The following NTNG2 variants were observed in gnomAD, a reference collection of about 807,000 sequenced individuals.
The protein encoded by NTNG2 is netrin G2.
A neutral mutation model predicts 47.6 loss-of-function variants in NTNG2; 15 were observed. The observed-to-expected ratio is 0.32, with a 90% CI of 0.21 to 0.49. NTNG2 has a LOEUF of 0.49. Ranked by LOEUF, NTNG2 falls within the 20% of genes least tolerant of loss-of-function variation. The pLI is 0.99. For missense variants in NTNG2, 578 were observed against 764.6 expected (o/e 0.76, Z 2.88); for synonymous variants, 307 against 324.6 (o/e 0.95, Z 0.58).
intron 1 of NTNG2, among the ~76,000 whole-genome samples, chr9:132,165,251 G>A (rs931242415): frequency 7.2e-5 from 11 of 152,180 alleles, no homozygotes; most frequent in Admixed American, 7.2e-4. Flanking sequence ...TACTGCAGTC[G>A]TGTTATTTCC....
At chr9:132,165,691 C>A (rs926482580) in intron 1 of NTNG2, among the ~76,000 whole-genome samples, 1 of 152,176 alleles carries the variant, frequency 6.6e-6, no homozygotes, top group Non-Finnish European at 1.5e-5. Flanking sequence ...ACTTGACAGT[C>A]ATGGTATTTT....
At chr9:132,176,184 CA>C (rs35497672) in intron 2 of NTNG2, among the ~76,000 whole-genome samples, 129 of 144,598 alleles carry the variant, frequency 8.9e-4, no homozygotes, top group Admixed American at 3.2e-3. Flanking sequence ...CCCCATCTCT[CA>C]AAAAAAAAAA....
At position 132,215,077 on chromosome 9, in the gene NTNG2, T is replaced by TC. The variant is rs1254037039; in HGVS notation, c.858-11772_858-11771insC. Among the ~76,000 whole-genome samples the TC allele has an allele frequency of 3.8e-4, 53 of 139,704 alleles. No homozygotes were observed. Among genetic ancestry groups the TC allele is most frequent in the Middle Eastern group, 3.6e-3 (1 of 280 alleles). The allele number at this position is 139,704 out of a possible 152,430, so 91.7% of individuals were successfully genotyped here. On this transcript the variant is annotated intron_variant, in intron 3 of 7. Coordinates refer to ENST00000393229, the MANE Select transcript of NTNG2 (RefSeq NM_032536.4). The surrounding 1 kb of genome is among the most constrained non-coding windows in gnomAD (Gnocchi z 4.2). Reference sequence around the variant, plus strand: ...TTTTTTTTAATTTTTTTGTAGAGATTGGGGGGGGGGGTCTCACTTTCTTGC... The same window carrying TC: ...TTTTTTTTAATTTTTTTGTAGAGATTCGGGGGGGGGGGTCTCACTTTCTTGC...
chr9:132,172,341 G>T (rs1835990892), intron 2 of NTNG2, among the ~76,000 whole-genome samples: 1 of 152,214 alleles, frequency 6.6e-6, no homozygotes, highest in Admixed American at 6.5e-5. Context: ...TCAGTGAAGA[G>T]TTCTGGCCCT....
intron 5 of NTNG2, among the ~76,000 whole-genome samples, chr9:132,234,274 C>T (rs1024403328): frequency 2.0e-5 from 3 of 152,130 alleles, no homozygotes; most frequent in Admixed American, 1.3e-4. Flanking sequence ...GTGATCCACC[C>T]GCCTCAGCCT....
At chr9:132,193,921 G>A (rs991480737) in intron 2 of NTNG2, among the ~76,000 whole-genome samples, 3 of 152,068 alleles carry the variant, frequency 2.0e-5, no homozygotes, top group Non-Finnish European at 1.5e-5. Flanking sequence ...GCCTTCAAAC[G>A]GCCTTTTCTC....
At chr9:132,230,352 C>T (rs1407436810) in intron 4 of NTNG2, among the ~76,000 whole-genome samples, 2 of 152,246 alleles carry the variant, frequency 1.3e-5, no homozygotes, top group South Asian at 2.1e-4. Flanking sequence ...ATAGTGGTTC[C>T]TCCCTCCCAG....
chr9:132,177,557 T>C (rs1392954259), intron 2 of NTNG2, among the ~76,000 whole-genome samples: 4 of 152,268 alleles, frequency 2.6e-5, no homozygotes, highest in African/African-American at 9.6e-5. Context: ...GAAGAGCCTA[T>C]TCTTCCCCCA....
chr9:132,227,172 C>T (rs1370223562), intron 4 of NTNG2, 151 bp downstream of exon 4: 12 of 884,896 alleles, frequency 1.4e-5, no homozygotes, highest in Non-Finnish European at 1.8e-5. Context: ...CAGAAACATA[C>T]GAGCATGCAT....
intron 3 of NTNG2, among the ~76,000 whole-genome samples, chr9:132,216,219 T>C (rs12004212): frequency 0.093 from 14,149 of 152,140 alleles, 1,732 homozygotes; most frequent in African/African-American, 0.28. Flanking sequence ...CCATGCATTA[T>C]CCCCTTCCTC....
At chr9:132,230,483 T>C in intron 4 of NTNG2, 89 bp from the exon 5 acceptor site, 1 of 1,256,304 alleles carries the variant, frequency 8.0e-7, no homozygotes, top group Non-Finnish European at 1.1e-6. Flanking sequence ...CTCCAGGTGC[T>C]CCCCTGCCCT....
chr9:132,244,122 C>T lies in NTNG2; in HGVS notation c.*2011C>T, dbSNP rs959625061. On this transcript the variant is annotated 3_prime_UTR_variant, in exon 8 of 8. Transcript: ENST00000393229. ...CTTCCAGAAAGTTCTTAAAAGTCAT[C>T]CCTTCCTCCACGCCCCACAAAGCCT... The T allele has an allele frequency of 3.9e-5, 6 of 152,382 alleles. No homozygotes were observed. In the East Asian group the frequency reaches 7.7e-4, roughly 20 times the overall value. 9.4% of individuals were successfully genotyped at this position (152,382 alleles called of 1,614,324 possible). A position where few individuals can be genotyped will look rare whatever the true frequency, so the allele number is the denominator to read the frequency against.
At chr9:132,169,591 G>A (rs943056489) in intron 2 of NTNG2, among the ~76,000 whole-genome samples, 3 of 152,198 alleles carry the variant, frequency 2.0e-5, no homozygotes, top group African/African-American at 7.2e-5. Flanking sequence ...ACTGCCTGTA[G>A]CCAAGGCCCA....
rs1177879465 is a variant in NTNG2, at chr9:132,226,986, C to T, written c.995C>T (p.Ser332Phe). The T allele has an allele frequency of 4.3e-6, 7 of 1,609,714 alleles. No homozygotes were observed. Among genetic ancestry groups the T allele is most frequent in the Non-Finnish European group, 5.9e-6 (7 of 1,179,436 alleles). ...NFRTRSWRAG[S>F]YLPLPHGSPN... is the part of the protein sequence containing the mutation. ...CGCACCCGGTCCTGGCGGGCCGGCT[C>T]CTACCTGCCGCTGCCCCATGGCTCT... Residue 332 changes from serine (S) to phenylalanine (F), a missense_variant, in exon 4 of 8, where the codon TCC becomes TTC. Coordinates refer to ENST00000393229, the MANE Select transcript of NTNG2 (RefSeq NM_032536.4). The surrounding 1 kb of genome is among the most constrained non-coding windows in gnomAD (Gnocchi z 4.8).
intron 3 of NTNG2, among the ~76,000 whole-genome samples, chr9:132,200,055 G>A (rs893532193): frequency 6.6e-6 from 1 of 152,192 alleles, no homozygotes; most frequent in Admixed American, 6.5e-5. Flanking sequence ...AATGGGGATG[G>A]TAACAAGCAT....
At position 132,170,615 on chromosome 9, in the gene NTNG2, C is replaced by T. The variant is rs565814014; in HGVS notation, c.213+3571C>T. On this transcript the variant is annotated intron_variant, in intron 2 of 7. Transcript: ENST00000393229. The stretch of plus-strand genomic sequence containing the variant: ...GCAAGACACGTCTCCCGCCAGCCAC[C>T]TGTGGTCCCCGTGAGAGGAAGGGGG... 3.3e-5 allele frequency among the ~76,000 whole-genome samples: 5 copies of T among 152,314 alleles called. No homozygotes were observed. The South Asian group carries it at 6.2e-4, about 19-fold the overall frequency.
At chr9:132,179,027 A>G (rs1836720600) in intron 2 of NTNG2, among the ~76,000 whole-genome samples, 1 of 151,584 alleles carries the variant, frequency 6.6e-6, no homozygotes, top group South Asian at 2.1e-4. Context: ...TATGAAGGAG[A>G]AACTGAGGCC....
chr9:132,195,086 C>T (rs573364545), intron 2 of NTNG2, among the ~76,000 whole-genome samples: 3 of 152,210 alleles, frequency 2.0e-5, no homozygotes, highest in Admixed American at 6.5e-5. Flanking sequence ...TGACAGTGTT[C>T]GTTTTTTTCT....
At chr9:132,189,513 T>A (rs1837695944) in intron 2 of NTNG2, among the ~76,000 whole-genome samples, 1 of 152,166 alleles carries the variant, frequency 6.6e-6, no homozygotes, top group Non-Finnish European at 1.5e-5. Flanking sequence ...GATGAGAATG[T>A]TCCTTCCTCC....
Sources: gnomAD v4.1 joint callset for allele counts (sites outside exome capture counted in the v4.1 genomes callset) on GRCh38, gnomAD v4.1.1 for gene constraint, Gnocchi (gnomAD v3.1) non-coding constraint, MANE v1.5 for transcripts, NCBI Gene and HGNC (gene_info 2026-07-23, HGNC 2026-07-21) for gene names.